The following FN1 variants were observed in gnomAD, a reference collection of about 807,000 sequenced individuals.
FN1 encodes fibronectin.
Under a neutral mutation model 297.3 loss-of-function variants are expected in FN1, and 106 were observed. The ratio of observed to expected loss-of-function variants is 0.36; its 90% CI spans 0.30 to 0.42. FN1 has a LOEUF of 0.42. FN1 is among the 10% of genes least tolerant of loss of function. FN1 has a pLI of 1.00. For synonymous variants in FN1, 1,149 were observed against 1,152.6 expected (o/e 1.00, Z 0.06); for missense variants, 2,690 against 3,124.9 (o/e 0.86, Z 3.32).
At chr2:215,410,144 C>T (rs1170015978) in intron 13 of FN1, 30 bp from the exon 14 acceptor site, 4 of 1,559,480 alleles carry the variant, frequency 2.6e-6, no homozygotes, top group Non-Finnish European at 3.5e-6. Context: ...CACACACACA[C>T]ACACACACGT....
At chr2:215,419,428 A>T in intron 11 of FN1, 43 bp from the exon 12 acceptor site, 1 of 1,541,120 alleles carries the variant, frequency 6.5e-7, no homozygotes, top group Non-Finnish European at 9.0e-7. Flanking sequence ...TTGAAGACTT[A>T]TAACTACGAA....
chr2:215,365,103 A>ATT (rs1251416897), intron 43 of FN1, 118 bp from the exon 44 acceptor site: 7 of 736,024 alleles, frequency 9.5e-6, no homozygotes, highest in African/African-American at 3.5e-5. Flanking sequence ...AACACCACAT[A>ATT]TTTATGTGAA....
At chr2:215,393,654 T>A (rs919320533) in intron 24 of FN1, 1 of 152,178 alleles carries the variant, frequency 6.6e-6, no homozygotes, top group African/African-American at 2.4e-5. Context: ...AAATGGGTGA[T>A]AAATTGATTT....
intron 17 of FN1, 94 bp from the exon 18 acceptor site, chr2:215,407,415 C>T: frequency 1.9e-6 from 2 of 1,060,052 alleles, no homozygotes; most frequent in South Asian, 2.5e-5. Context: ...TATCCCTTAG[C>T]ATCTTGCTTG....
chr2:215,431,381 T>TTCTCA (rs1014988078), intron 4 of FN1, among the ~76,000 whole-genome samples: 20 of 152,220 alleles, frequency 1.3e-4, no homozygotes, highest in African/African-American at 4.8e-4. Flanking sequence ...AACTGAGGAT[T>TTCTCA]GAGATCCAAA....
At chr2:215,381,275 A>T (rs538050239) in intron 32 of FN1, 195 bp from the exon 33 acceptor site, 1 of 632,538 alleles carries the variant, frequency 1.6e-6, no homozygotes, top group East Asian at 2.8e-5. Context: ...TGCATCACTT[A>T]TTAAAACATA....
intron 10 of FN1, chr2:215,421,055 T>C: frequency 2.2e-6 from 1 of 454,888 alleles, no homozygotes; most frequent in South Asian, 2.1e-5. Flanking sequence ...GTAAAGAATG[T>C]GGTAAAATAC....
Position 215,382,249 on chromosome 2 carries a change from G to A in FN1, c.5127C>T (p.Ser1709=), listed in dbSNP as rs778102824. ...TCTGAACCAGAGGCTGACTCTCTCCGCTTGGATTCTGAGCATAGACACTAA... is the reference window on the plus strand; with the variant it reads ...TCTGAACCAGAGGCTGACTCTCTCCACTTGGATTCTGAGCATAGACACTAA... ...YVVSVYAQNP[S]GESQPLVQTA... The change falls in exon 32 of 46, where the codon AGC becomes AGT. Residue 1709 remains serine, a synonymous_variant. Coordinates refer to ENST00000354785, the MANE Select transcript of FN1 (RefSeq NM_212482.4). 27 of 1,613,542 alleles carry A rather than the reference G, an allele frequency of 1.7e-5. No individual in the cohort carries two copies. The highest frequency in any genetic ancestry group is 5.3e-5 in the African/African-American group (4 of 74,904).
In FN1 at chr2:215,371,909, C is replaced by T. The variant is rs2056258888; in HGVS notation, c.6714G>A (p.Gln2238=). ...HPVGTDEEPL[Q]FRVPGTSTSA... is the part of the protein sequence containing the mutation. ...AGAAGTGAAGAGAACAATTAATTAC[C>T]TGTAAGGGTTCTTCATCAGTGCCAA... The change falls in exon 40 of 46, where the codon CAG becomes CAA. Residue 2238 remains glutamine (Q), a splice_region_variant and synonymous_variant. Coordinates refer to ENST00000354785, the MANE Select transcript of FN1 (RefSeq NM_212482.4). 1 of 1,610,992 alleles carries T rather than the reference C, an allele frequency of 6.2e-7. No homozygotes were observed.
chr2:215,393,909 C>T lies in FN1; in HGVS notation c.3796+619G>A, dbSNP rs2060006877. On this transcript the variant is annotated intron_variant, in intron 24 of 45. Transcript: ENST00000354785. ...GTCCAATGCTTTCATTATGTTATAA[C>T]CCAATGGACAAACAAGCCTATCCTT... 2.0e-5 allele frequency among the ~76,000 whole-genome samples: 3 copies of T among 152,112 alleles called. No individual in the cohort carries two copies. In the South Asian group the frequency reaches 6.2e-4, roughly 32 times the overall value.
At chr2:215,396,800 C>T (rs528217074) in intron 23 of FN1, among the ~76,000 whole-genome samples, 12 of 152,170 alleles carry the variant, frequency 7.9e-5, no homozygotes, top group Non-Finnish European at 1.8e-4. Flanking sequence ...AGGGAAATTA[C>T]GTAATATGAC....
At chr2:215,412,192 T>C (rs199767473) in intron 13 of FN1, among the ~76,000 whole-genome samples, 3 of 17,926 alleles carry the variant, frequency 1.7e-4, no homozygotes, top group African/African-American at 2.7e-4. Flanking sequence ...ATGACTTTTC[T>C]TTTTTTTTTT....
In FN1 at chr2:215,430,800, C is replaced by T. The variant is rs772202402; in HGVS notation, c.600G>A (p.Thr200=). Residue 200 remains threonine (T), a synonymous_variant, in exon 5 of 46, where the codon ACG becomes ACA. Coordinates refer to ENST00000354785, the MANE Select transcript of FN1 (RefSeq NM_212482.4). The stretch of plus-strand genomic sequence containing the variant: ...TCCAGCCTTGGTAGGGCTTCTCCCA[C>T]GTTTCTCCGACCACATAGGAAGTCC... ...AAGTSYVVGE[T]WEKPYQGWMM... is the part of the protein sequence containing the mutation. 22 of 1,614,028 alleles carry T rather than the reference C, an allele frequency of 1.4e-5. No homozygotes were observed. Among genetic ancestry groups the T allele is most frequent in the Admixed American group, 1.7e-5 (1 of 60,002 alleles).
chr2:215,378,578 A>G (rs1463432470), intron 34 of FN1, among the ~76,000 whole-genome samples: 1 of 152,200 alleles, frequency 6.6e-6, no homozygotes, highest in South Asian at 2.1e-4. Context: ...GGTGTAAATC[A>G]TAATTTTTTC....
intron 4 of FN1, among the ~76,000 whole-genome samples, chr2:215,431,105 G>C (rs2106518547): frequency 6.6e-6 from 1 of 152,172 alleles, no homozygotes; most frequent in African/African-American, 2.4e-5. Context: ...TTTTCAGCGA[G>C]CCCCAAACTT....
At chr2:215,397,563 G>T in intron 22 of FN1, 117 bp downstream of exon 22, 1 of 849,710 alleles carries the variant, frequency 1.2e-6, no homozygotes. Flanking sequence ...ATATAAGTAA[G>T]GATAAGATAT....
intron 28 of FN1, among the ~76,000 whole-genome samples, 192 bp from the exon 29 acceptor site, chr2:215,385,168 A>G (rs2058745549): frequency 6.6e-6 from 1 of 151,946 alleles, no homozygotes. Context: ...AAATTGTGAT[A>G]AAATGATTAT....
intron 20 of FN1, among the ~76,000 whole-genome samples, chr2:215,401,006 G>A (rs1049296388): frequency 6.7e-6 from 1 of 150,208 alleles, no homozygotes; most frequent in Admixed American, 6.6e-5. Context: ...ATGTTGGCCA[G>A]GCCAGTCTCG....
At chr2:215,406,847 T>G (rs2061839238) in intron 18 of FN1, among the ~76,000 whole-genome samples, 1 of 152,236 alleles carries the variant, frequency 6.6e-6, no homozygotes, top group South Asian at 2.1e-4. Flanking sequence ...TTTGTTTTAC[T>G]GAATCATTTT....
Sources: allele counts gnomAD v4.1 joint callset (sites outside exome capture counted in the v4.1 genomes callset), GRCh38; gene constraint gnomAD v4.1.1; transcripts MANE v1.5; gene names NCBI Gene and HGNC (gene_info 2026-07-23, HGNC 2026-07-21).